Variants in TLK1 observed in about 807,000 individuals in gnomAD.
TLK1 encodes serine/threonine-protein kinase tousled-like 1.
Under a neutral mutation model 105.3 loss-of-function variants are expected in TLK1, and 24 were observed. The observed-to-expected ratio is 0.23, with a 90% CI of 0.17 to 0.32. The LOEUF (loss-of-function observed/expected upper bound fraction) is 0.32. Among genes scored for constraint, TLK1 ranks in the 10% least tolerant of loss-of-function variants. TLK1 has a pLI of 1.00. For synonymous variants in TLK1, 321 were observed against 310.4 expected, an observed-to-expected ratio of 1.03 and a Z score of -0.36; for missense variants, 558 against 910.5, an observed-to-expected ratio of 0.61 and a Z score of 4.98.
At chr2:171,025,862 A>G (rs567320738) in intron 12 of TLK1, among the ~76,000 whole-genome samples, 3 of 152,320 alleles carry the variant, frequency 2.0e-5, no homozygotes, top group South Asian at 4.1e-4. Context: ...GGCAACTGCT[A>G]TTTATGCTCT....
intron 13 of TLK1, among the ~76,000 whole-genome samples, chr2:171,013,157 C>T (rs1048135623): frequency 3.3e-5 from 5 of 151,552 alleles, no homozygotes; most frequent in African/African-American, 4.8e-5. Context: ...GGATTACAGG[C>T]GCCCACCACA....
At chr2:171,114,771 G>GT (rs1558949587) in intron 2 of TLK1, among the ~76,000 whole-genome samples, 1 of 152,096 alleles carries the variant, frequency 6.6e-6, no homozygotes, top group Non-Finnish European at 1.5e-5. Flanking sequence ...GGAGGCAGAA[G>GT]GTGCAGTGAG....
chr2:171,140,362 AG>A (rs1691523419), intron 1 of TLK1, among the ~76,000 whole-genome samples: 2 of 152,218 alleles, frequency 1.3e-5, no homozygotes, highest in African/African-American at 4.8e-5. Context: ...CAGGCAGTAA[AG>A]AAATGGGGCC....
At chr2:171,020,108 G>A (rs1685421086) in intron 12 of TLK1, among the ~76,000 whole-genome samples, 1 of 150,986 alleles carries the variant, frequency 6.6e-6, no homozygotes, top group Non-Finnish European at 1.5e-5. Flanking sequence ...TTAGTAATGT[G>A]AATAATATCA....
intron 12 of TLK1, among the ~76,000 whole-genome samples, chr2:171,021,010 CT>C (rs1464459534): frequency 6.6e-6 from 1 of 152,048 alleles, no homozygotes; most frequent in African/African-American, 2.4e-5. Context: ...AACTTAGTAC[CT>C]TTACTCAATG....
chr2:171,134,542 G>A (rs939765236), intron 1 of TLK1, among the ~76,000 whole-genome samples: 1 of 151,954 alleles, frequency 6.6e-6, no homozygotes, highest in African/African-American at 2.4e-5. Flanking sequence ...CTCACATCCA[G>A]CAATCCCATT....
chr2:171,018,108 G>A (rs1193729039), intron 12 of TLK1, among the ~76,000 whole-genome samples: 2 of 152,182 alleles, frequency 1.3e-5, no homozygotes, highest in African/African-American at 4.8e-5. Context: ...CCTTTGGGAG[G>A]TACTTAGGGT....
rs370361651 is a variant in TLK1 at position 171,102,640 on chromosome 2, A to G, written c.258+15099T>C. ...TAATAAATTCACTACGTTATTTCTA[A>G]AACGGTTTGATATATAAAAATTTTA... On this transcript the variant is annotated intron_variant, in intron 2 of 20. Coordinates refer to ENST00000431350, the MANE Select transcript of TLK1 (RefSeq NM_012290.5). 3.3e-5 allele frequency among the ~76,000 whole-genome samples: 5 copies of G among 152,374 alleles called. No homozygotes were observed. The East Asian group carries it at 5.8e-4, about 18-fold the overall frequency.
intron 1 of TLK1, among the ~76,000 whole-genome samples, chr2:171,170,641 A>G (rs1432994383): frequency 2.0e-5 from 3 of 152,230 alleles, no homozygotes; most frequent in South Asian, 2.1e-4. Flanking sequence ...CGAAGTCACA[A>G]GGTGAAAGTG....
At chr2:171,186,948 C>T (rs1452888300) in intron 1 of TLK1, among the ~76,000 whole-genome samples, 2 of 149,356 alleles carry the variant, frequency 1.3e-5, no homozygotes, top group East Asian at 4.0e-4. Context: ...ATCCCAGCTA[C>T]TCGGGAGGCT....
At chr2:171,140,693 T>TA in intron 1 of TLK1, among the ~76,000 whole-genome samples, 1 of 152,260 alleles carries the variant, frequency 6.6e-6, no homozygotes, top group Admixed American at 6.5e-5. Flanking sequence ...CATGGAAGAC[T>TA]ACCATTATTC....
intron 10 of TLK1, among the ~76,000 whole-genome samples, chr2:171,048,317 T>A (rs534047158): frequency 6.6e-6 from 1 of 152,356 alleles, no homozygotes; most frequent in Admixed American, 6.5e-5. Flanking sequence ...AACATTCATA[T>A]TAATTATATA....
chr2:171,063,657 G>C (rs1687858894), intron 3 of TLK1, among the ~76,000 whole-genome samples: 1 of 152,048 alleles, frequency 6.6e-6, no homozygotes, highest in African/African-American at 2.4e-5. Flanking sequence ...AGTTCAAAAT[G>C]GTTCTGTACC....
chr2:171,129,881 A>G (rs1309515153), intron 1 of TLK1, among the ~76,000 whole-genome samples: 1 of 150,412 alleles, frequency 6.6e-6, no homozygotes, highest in African/African-American at 2.5e-5. Context: ...ATAACATAAC[A>G]TAACATGGGT....
At chr2:171,059,695 G>C (rs1173942597) in intron 4 of TLK1, among the ~76,000 whole-genome samples, 3 of 152,136 alleles carry the variant, frequency 2.0e-5, no homozygotes, top group Non-Finnish European at 4.4e-5. Flanking sequence ...GACCAGTTTT[G>C]TGGAAGACAA....
rs76777722 is a variant in TLK1, at chr2:171,082,771, A to G, written c.330+10T>C. On this transcript the variant is annotated intron_variant, in intron 3 of 20. Coordinates refer to ENST00000431350, the MANE Select transcript of TLK1 (RefSeq NM_012290.5). ...TTTAATAGCACCATATTTAAAATGAAATTACTTACCTCTGATTCTTTGTCA... is the reference window on the plus strand; with the variant it reads ...TTTAATAGCACCATATTTAAAATGAGATTACTTACCTCTGATTCTTTGTCA... 3.4e-4 allele frequency: 545 copies of G among 1,584,772 alleles called. 5 individuals are homozygous for G. The East Asian group carries it at 9.5e-3, about 28-fold the overall frequency.
At chr2:171,163,786 T>G (rs565051622), upstream of TLK1, among the ~76,000 whole-genome samples, 1 of 151,992 alleles carries the variant, frequency 6.6e-6, no homozygotes, top group East Asian at 1.9e-4. Context: ...AGTGCAGTGG[T>G]GCAATCTTGG....
In TLK1 at chr2:171,058,999, T is replaced by A. The variant is rs1687625788; in HGVS notation, c.407-802A>T. 2.0e-5 allele frequency among the ~76,000 whole-genome samples: 3 copies of A among 152,240 alleles called. No individual in the cohort carries two copies. The South Asian group carries it at 6.2e-4, about 31-fold the overall frequency. On this transcript the variant is annotated intron_variant, in intron 4 of 20. Coordinates refer to ENST00000431350, the MANE Select transcript of TLK1 (RefSeq NM_012290.5). The stretch of plus-strand genomic sequence containing the variant: ...ACAAATATTTCTTAAGTGGTTACTA[T>A]GTGCCAGGCATTACTAAGATGAAAA...
At chr2:171,072,608 A>T (rs1246067568) in intron 3 of TLK1, among the ~76,000 whole-genome samples, 3 of 151,736 alleles carry the variant, frequency 2.0e-5, no homozygotes, top group South Asian at 2.1e-4. Context: ...AAATACATTT[A>T]AAAAAAAATA....
Sources: gnomAD v4.1 joint callset for allele counts (sites outside exome capture counted in the v4.1 genomes callset) on GRCh38, gnomAD v4.1.1 for gene constraint, MANE v1.5 for transcripts, NCBI Gene and HGNC (gene_info 2026-07-23, HGNC 2026-07-21) for gene names.